MLH3: variants seen among roughly 807,000 people sequenced by gnomAD.
The protein encoded by MLH3 is DNA mismatch repair protein Mlh3.
In MLH3, 82 loss-of-function variants were observed where a neutral mutation model predicts 122.2. The observed-to-expected ratio is 0.67, with a 90% CI of 0.56 to 0.81. MLH3 has a LOEUF of 0.81. MLH3 is among the 30% of genes least tolerant of loss of function. The probability of loss-of-function intolerance (pLI) is 0.00; values close to 1 mark genes in which losing one functional copy is unlikely to be tolerated. For missense variants in MLH3, 1,539 were observed against 1,714.5 expected (o/e 0.90, Z 1.81); for synonymous variants, 524 against 599.5 (o/e 0.87, Z 1.84).
intron 5 of MLH3, 76 bp from the exon 6 acceptor site, chr14:75,038,488 A>G: frequency 1.0e-6 from 1 of 967,560 alleles, no homozygotes; most frequent in South Asian, 1.3e-5. Context: ...AAGATACAGA[A>G]CTGTATTTTA....
At chr14:75,019,772 C>G (rs1373246638) in intron 11 of MLH3, among the ~76,000 whole-genome samples, 1 of 151,952 alleles carries the variant, frequency 6.6e-6, no homozygotes, top group Non-Finnish European at 1.5e-5. Flanking sequence ...TTGTTATAAC[C>G]TGCCTTTATG....
chr14:75,014,930 G>T lies in MLH3; in HGVS notation c.*2152C>A, dbSNP rs1185740943. 1 of 179,688 alleles carries T rather than the reference G, an allele frequency of 5.6e-6. No homozygotes were observed. Among genetic ancestry groups the T allele is most frequent in the Non-Finnish European group, 1.2e-5 (1 of 83,960 alleles). The allele number at this position is 179,688 out of a possible 1,614,324, so 11.1% of individuals were successfully genotyped here. A position where few individuals can be genotyped will look rare whatever the true frequency, so the allele number is the denominator to read the frequency against. ...TCAGCAAACCAGTTAACAGCTCCGAGCTTCGAAGTTTTATTATACAAAGGT... is the reference window on the plus strand; with the variant it reads ...TCAGCAAACCAGTTAACAGCTCCGATCTTCGAAGTTTTATTATACAAAGGT... On this transcript the variant is annotated 3_prime_UTR_variant, in exon 13 of 13. Coordinates refer to ENST00000355774, the MANE Select transcript of MLH3 (RefSeq NM_001040108.2).
chr14:75,043,780 G>C (rs561591314), intron 2 of MLH3, among the ~76,000 whole-genome samples: 1 of 152,262 alleles, frequency 6.6e-6, no homozygotes, highest in Admixed American at 6.5e-5. Flanking sequence ...CACCTTTATA[G>C]ATCCTCCTTC....
Position 75,047,323 on chromosome 14 carries a change from A to T in MLH3, c.2333T>A (p.Val778Asp). The change falls in exon 2 of 13, where the codon GTC becomes GAC. Residue 778 changes from valine (V) to aspartate (D), a missense_variant. Val to Asp is a radical substitution (Grantham distance 152). Transcript: ENST00000355774. ...AACTTGAAGACTGAGATTGGTAGTG[A>T]CTCCATTACTTTCCTCTACTTCTGT... ...LDTEVEESNG[V>D]TTNLSLQVEP... is the part of the protein sequence containing the mutation. 1 of 1,613,944 alleles carries T rather than the reference A, an allele frequency of 6.2e-7. No homozygotes were observed. Among genetic ancestry groups the T allele is most frequent in the Non-Finnish European group, 8.5e-7 (1 of 1,179,954 alleles).
At chr14:75,018,099 C>T (rs1430840202) in intron 12 of MLH3, among the ~76,000 whole-genome samples, 1 of 151,942 alleles carries the variant, frequency 6.6e-6, no homozygotes, top group African/African-American at 2.4e-5. Context: ...GAGCCAAGAT[C>T]GCACCATTGC....
intron 12 of MLH3, among the ~76,000 whole-genome samples, chr14:75,018,393 T>C (rs188154690): frequency 2.4e-4 from 37 of 152,314 alleles, no homozygotes; most frequent in African/African-American, 7.9e-4. Flanking sequence ...CTCAAGATCC[T>C]TGGGGATGGC....
intron 6 of MLH3, among the ~76,000 whole-genome samples, chr14:75,035,437 G>A (rs552760800): frequency 1.0e-3 from 152 of 152,274 alleles, no homozygotes; most frequent in Admixed American, 3.7e-3. Flanking sequence ...CTGGTGAACC[G>A]CTTGAACCCA....
In MLH3 at chr14:75,016,950, C is replaced by A. The variant is rs562219614; in HGVS notation, c.*132G>T. On this transcript the variant is annotated 3_prime_UTR_variant, in exon 13 of 13. Transcript: ENST00000355774. ...CTCAAGAAAGACTGATACAGAGAGC[C>A]CTGCTGTCTAAGCTGCTCAGGGACA... 4.0e-6 allele frequency: 4 copies of A among 993,006 alleles called. No individual in the cohort carries two copies. The African/African-American group carries it at 4.8e-5, about 12-fold the overall frequency. The allele number at this position is 993,006 out of a possible 1,614,324, so 61.5% of individuals were successfully genotyped here.
chr14:75,044,089 CA>C (rs56266478), intron 2 of MLH3, among the ~76,000 whole-genome samples: 5,382 of 144,066 alleles, frequency 0.037, 124 homozygotes, highest in South Asian at 0.051. Context: ...AACTCCGTCT[CA>C]AAAAAAAAAA....
intron 4 of MLH3, 125 bp downstream of exon 4, chr14:75,041,490 G>A (rs148588969): frequency 9.2e-6 from 7 of 760,462 alleles, no homozygotes; most frequent in Admixed American, 4.3e-5. Flanking sequence ...CGAAGGTTAC[G>A]TGAGCCGAGA....
chr14:75,042,601 C>G, intron 2 of MLH3, 124 bp from the exon 3 acceptor site: 1 of 707,108 alleles, frequency 1.4e-6, no homozygotes, highest in Non-Finnish European at 2.5e-6. Context: ...GACTACTAAA[C>G]ACTAGATTGA....
chr14:75,046,654 G>T lies in MLH3; in HGVS notation c.3002C>A (p.Pro1001His). ...TACCGGATTCATTAACATTCCACTG[G>T]GAGAGTCAAGACTTCCTATCTGTTG... ...SEQQIGSLDS[P>H]SGMLMNPVED... is the part of the protein sequence containing the mutation. Residue 1001 changes from proline to histidine, a missense_variant, in exon 2 of 13, where the codon CCC (proline) becomes CAC (histidine). Pro to His is a moderately conservative substitution (Grantham distance 77, BLOSUM62 -2). Transcript: ENST00000355774. 1 of 1,614,128 alleles carries T rather than the reference G, an allele frequency of 6.2e-7. No homozygotes were observed. The highest frequency in any genetic ancestry group is 8.5e-7 in the Non-Finnish European group (1 of 1,180,018).
At position 75,043,828 on chromosome 14, in the gene MLH3, G is replaced by A. The variant is rs191315975; in HGVS notation, c.3281-1351C>T. Among the ~76,000 whole-genome samples the A allele has an allele frequency of 1.6e-4, 24 of 152,264 alleles. No homozygotes were observed. The East Asian group carries it at 4.6e-3, about 29-fold the overall frequency. ...TGTATCTTTTAGGCTGGTGGCTCAC[G>A]CCTGTAATCCCAGCACTTTGGGAGG... is the stretch of plus-strand genomic sequence containing the variant. On this transcript the variant is annotated intron_variant, in intron 2 of 12. Coordinates refer to ENST00000355774, the MANE Select transcript of MLH3 (RefSeq NM_001040108.2).
At chr14:75,042,660 A>G (rs1891938124) in intron 2 of MLH3, among the ~76,000 whole-genome samples, 183 bp from the exon 3 acceptor site, 1 of 149,098 alleles carries the variant, frequency 6.7e-6, no homozygotes, top group Non-Finnish European at 1.5e-5. Context: ...AGGACTCTAT[A>G]TTAATGCTTA....
chr14:75,029,774 A>G (rs1283496326), intron 9 of MLH3, among the ~76,000 whole-genome samples: 1 of 152,096 alleles, frequency 6.6e-6, no homozygotes, highest in Non-Finnish European at 1.5e-5. Flanking sequence ...ACCTCAGGTG[A>G]ACCACCCACC....
chr14:75,028,606 C>T (rs1403267482), intron 9 of MLH3, among the ~76,000 whole-genome samples: 6 of 151,338 alleles, frequency 4.0e-5, no homozygotes, highest in South Asian at 2.1e-4. Flanking sequence ...TTAGTAGAGA[C>T]GGGGTCTCAT....
At chr14:75,043,815 G>A (rs895787259) in intron 2 of MLH3, among the ~76,000 whole-genome samples, 1 of 151,982 alleles carries the variant, frequency 6.6e-6, no homozygotes, top group African/African-American at 2.4e-5. Context: ...TATCTTTTAG[G>A]CTGGTGGCTC....
chr14:75,018,845 A>G lies in MLH3; in HGVS notation c.4226T>C (p.Leu1409Ser). The G allele has an allele frequency of 6.2e-7, 1 of 1,614,198 alleles. No homozygotes were observed. Among genetic ancestry groups the G allele is most frequent in the African/African-American group, 1.3e-5 (1 of 75,038 alleles). Residue 1409 changes from leucine (L) to serine (S), a missense_variant, in exon 12 of 13, where the codon TTG becomes TCG. Coordinates refer to ENST00000355774, the MANE Select transcript of MLH3 (RefSeq NM_001040108.2). ...TTAATGTACCTGTTTTTCCTGTTCC[A>G]AGTGGTCTATGTCAGCTAACGGCAG... Reference protein sequence around the residue: ...SMLPLADIDHLEQEKQIKPNL... With the variant: ...SMLPLADIDHSEQEKQIKPNL...
rs149688134 is a variant in MLH3 at position 75,046,787 on chromosome 14, T to C, written c.2869A>G (p.Ser957Gly). The change falls in exon 2 of 13, where the codon AGC (serine) becomes GGC (glycine). Residue 957 changes from serine to glycine, a missense_variant. By Grantham distance (56) the Ser-to-Gly change is moderately conservative. Coordinates refer to ENST00000355774, the MANE Select transcript of MLH3 (RefSeq NM_001040108.2). ...FNKNSKTHSN[S>G]NTTENCVISE... The stretch of plus-strand genomic sequence containing the variant: ...ATCACACAGTTCTCTGTTGTATTGC[T>C]GTTAGAATGTGTTTTACTATTTTTA... 5 of 1,614,064 alleles carry C rather than the reference T, an allele frequency of 3.1e-6. No homozygotes were observed. In the African/African-American group the frequency reaches 6.7e-5, roughly 22 times the overall value.
Sources: allele counts gnomAD v4.1 joint callset (sites outside exome capture counted in the v4.1 genomes callset), GRCh38; gene constraint gnomAD v4.1.1; transcripts MANE v1.5; gene names NCBI Gene and HGNC (gene_info 2026-07-23, HGNC 2026-07-21).